Variants in PHACTR2 observed in about 807,000 individuals in gnomAD.
The protein encoded by PHACTR2 is phosphatase and actin regulator 2.
In PHACTR2, 30 loss-of-function variants were observed where a neutral mutation model predicts 76.0. The observed-to-expected ratio is 0.39, with a 90% confidence interval of 0.30 to 0.54. The LOEUF (loss-of-function observed/expected upper bound fraction) is 0.54. Among genes scored for constraint, PHACTR2 ranks in the 20% least tolerant of loss-of-function variants. The pLI is 0.61. For synonymous variants in PHACTR2, 292 were observed against 292.5 expected (o/e 1.00, Z 0.02); for missense variants, 696 against 781.1 (o/e 0.89, Z 1.30).
rs1454892363 is a variant in PHACTR2 at position 143,731,298 on chromosome 6, G to GT, written c.215-17681dup. Among the ~76,000 whole-genome samples the GT allele has an allele frequency of 6.6e-6, 1 of 151,260 alleles. No homozygotes were observed. The highest frequency in any genetic ancestry group is 1.5e-5 in the Non-Finnish European group (1 of 67,786). ...CCACTGTGTTGTTTTGTTTTGTTTTGTTTTTTGAGACGGAGTTTCGCTCTT... is the reference window on the plus strand; with the variant it reads ...CCACTGTGTTGTTTTGTTTTGTTTTGTTTTTTTGAGACGGAGTTTCGCTCTT... On this transcript the variant is annotated intron_variant, in intron 2 of 12. Coordinates refer to ENST00000440869, the MANE Select transcript of PHACTR2 (RefSeq NM_001100164.2). The surrounding 1 kb of genome is among the most constrained non-coding windows in gnomAD (Gnocchi z 4.9).
chr6:143,645,037 A>G (rs13190772), intron 1 of PHACTR2, among the ~76,000 whole-genome samples: 70,065 of 149,650 alleles, frequency 0.47, 16,379 homozygotes, highest in South Asian at 0.59. Flanking sequence ...GCATCTTCAT[A>G]AGTTAGTTCC....
rs762205968 is a variant in PHACTR2 at position 143,547,950 on chromosome 6, AATCT to A, written c.217+10752_217+10755del. Among the ~76,000 whole-genome samples, 22 of 152,198 alleles carry A rather than the reference AATCT, an allele frequency of 1.4e-4. No homozygotes were observed. Among genetic ancestry groups the A allele is most frequent in the Middle Eastern group, 3.4e-3 (1 of 294 alleles). ...ATCCATTCATCATCCATCATCTATT[AATCT>A]ATCTATCTTCATCATCATCATCATG... On this transcript the variant is annotated intron_variant, in intron 1 of 11. Transcript: ENST00000367584. The surrounding 1 kb of genome is among the most constrained non-coding windows in gnomAD (Gnocchi z 4.2).
At chr6:143,609,240 T>C (rs922137145) in intron 1 of PHACTR2, among the ~76,000 whole-genome samples, 13 of 152,228 alleles carry the variant, frequency 8.5e-5, no homozygotes, top group Non-Finnish European at 1.5e-4. Flanking sequence ...TATTTGTTTA[T>C]GAAATTGAGC....
intron 12 of PHACTR2, among the ~76,000 whole-genome samples, chr6:143,817,925 A>G (rs974017559): frequency 6.6e-6 from 1 of 152,324 alleles, no homozygotes; most frequent in East Asian, 1.9e-4. Context: ...CTAGTGTTCT[A>G]TAGCACTGTA....
In PHACTR2 at chr6:143,597,242, G is replaced by A. The variant is rs1040644289; in HGVS notation, c.217+60035G>A. The stretch of plus-strand genomic sequence containing the variant: ...CCAAGAAATGAAAGACATACCATTC[G>A]TGAGCTGCTTGCTGTCCCTCCCTTG... On this transcript the variant is annotated intron_variant, in intron 1 of 11. Transcript: ENST00000367584. The surrounding 1 kb of genome is among the most constrained non-coding windows in gnomAD (Gnocchi z 5.7). 2.6e-5 allele frequency among the ~76,000 whole-genome samples: 4 copies of A among 152,178 alleles called. No individual in the cohort carries two copies. The highest frequency in any genetic ancestry group is 7.2e-5 in the African/African-American group (3 of 41,442).
At chr6:143,555,939 A>T (rs1393116018) in intron 1 of PHACTR2, among the ~76,000 whole-genome samples, 4 of 148,366 alleles carry the variant, frequency 2.7e-5, no homozygotes, top group Admixed American at 6.7e-5. Context: ...TTTTTTTTTT[A>T]AAGACTGTTG....
In PHACTR2 at chr6:143,754,937, G is replaced by GA. The variant is rs1779267194; in HGVS notation, c.454+1031dup. Among the ~76,000 whole-genome samples, 2 of 152,074 alleles carry GA rather than the reference G, an allele frequency of 1.3e-5. No homozygotes were observed. Among genetic ancestry groups the GA allele is most frequent in the Admixed American group, 6.5e-5 (1 of 15,270 alleles). Reference sequence around the variant, plus strand: ...GACCCAGATCCTTGAGAGCGAAAGGGAAAAAAGATTATTTGATGGCCCTAT... The same window carrying GA: ...GACCCAGATCCTTGAGAGCGAAAGGGAAAAAAAGATTATTTGATGGCCCTAT... On this transcript the variant is annotated intron_variant, in intron 4 of 12. Coordinates refer to ENST00000440869, the MANE Select transcript of PHACTR2 (RefSeq NM_001100164.2). This position sits in a 1 kb window ranked among gnomAD's most constrained non-coding sequence, Gnocchi z 6.2.
chr6:143,772,134 T>G lies in PHACTR2; in HGVS notation c.1233-124T>G, dbSNP rs1260885757. On this transcript the variant is annotated intron_variant, in intron 6 of 12. Coordinates refer to ENST00000440869, the MANE Select transcript of PHACTR2 (RefSeq NM_001100164.2). The surrounding 1 kb of genome is among the most constrained non-coding windows in gnomAD (Gnocchi z 5.4). ...TTCAGTGACTTTAGCCTGGCCTATG[T>G]CAAGTGTCTGCTTTCCTCAGCCTGA... 5 of 692,572 alleles carry G rather than the reference T, an allele frequency of 7.2e-6. No individual in the cohort carries two copies. The highest frequency in any genetic ancestry group is 1.3e-5 in the Non-Finnish European group (5 of 383,480). 42.9% of individuals were successfully genotyped at this position (692,572 alleles called of 1,614,324 possible).
rs13192982 is a variant in PHACTR2, at chr6:143,627,457, C to T, written c.13+19135C>T. On this transcript the variant is annotated intron_variant, in intron 1 of 11. Coordinates refer to the PHACTR2 transcript ENST00000305766. The surrounding 1 kb of genome is among the most constrained non-coding windows in gnomAD (Gnocchi z 4.3). Reference sequence around the variant, plus strand: ...TTATGGGTAATATACTCAGCTACTACGTCAGGTAGCCTTGCGGAATTCAAG... The same window carrying T: ...TTATGGGTAATATACTCAGCTACTATGTCAGGTAGCCTTGCGGAATTCAAG... Among the ~76,000 whole-genome samples the T allele has an allele frequency of 0.076, 11,583 of 152,170 alleles. 520 individuals are homozygous for T. The highest frequency in any genetic ancestry group is 0.13 in the African/African-American group (5,229 of 41,494).
chr6:143,586,050 AT>A (rs1035756126), intron 1 of PHACTR2, among the ~76,000 whole-genome samples: 2 of 151,994 alleles, frequency 1.3e-5, no homozygotes, highest in Non-Finnish European at 2.9e-5. Flanking sequence ...TGTTATTGTT[AT>A]TTTTTTTCTG....
In PHACTR2 at chr6:143,678,626, C is replaced by A. The variant is rs1342784048; in HGVS notation, c.46+417C>A. ...GACTGAATGCTTTCAAGCTTGTCAA[C>A]TGATTTATGGTTTGTTATTCGGAGT... On this transcript the variant is annotated intron_variant, in intron 1 of 12. Transcript: ENST00000440869. The surrounding 1 kb of genome is among the most constrained non-coding windows in gnomAD (Gnocchi z 6.2). 6.6e-6 allele frequency among the ~76,000 whole-genome samples: 1 copy of A among 152,216 alleles called. No homozygotes were observed. The highest frequency in any genetic ancestry group is 2.4e-5 in the African/African-American group (1 of 41,464).
Position 143,697,561 on chromosome 6 carries a change from CTG to C in PHACTR2, c.47-14451_47-14450del, listed in dbSNP as rs1234017536. Among the ~76,000 whole-genome samples, 10 of 152,188 alleles carry C rather than the reference CTG, an allele frequency of 6.6e-5. No individual in the cohort carries two copies. Among genetic ancestry groups the C allele is most frequent in the African/African-American group, 2.4e-4 (10 of 41,442 alleles). On this transcript the variant is annotated intron_variant, in intron 1 of 12. Coordinates refer to ENST00000440869, the MANE Select transcript of PHACTR2 (RefSeq NM_001100164.2). The surrounding 1 kb of genome is among the most constrained non-coding windows in gnomAD (Gnocchi z 4.4). ...AATTAAGTGTTTGCTTACCTGAAAA[CTG>C]TGTCAGCAATGTCTGTACCATTCTT...
chr6:143,626,772 GA>G (rs1490934585), intron 1 of PHACTR2, among the ~76,000 whole-genome samples: 1 of 152,194 alleles, frequency 6.6e-6, no homozygotes, highest in Non-Finnish European at 1.5e-5. Flanking sequence ...CCAGGGGCAT[GA>G]TGTGAAGCGT....
In PHACTR2 at chr6:143,537,409, A is replaced by C. The variant is rs1428157084; in HGVS notation, c.217+202A>C. On this transcript the variant is annotated intron_variant, in intron 1 of 11. Coordinates refer to the PHACTR2 transcript ENST00000367584. This position sits in a 1 kb window ranked among gnomAD's most constrained non-coding sequence, Gnocchi z 4.4. Reference sequence around the variant, plus strand: ...GCCCGGGCTCGGCGACCCTAGGCGGAAGATGCTAAAAGCAGGCGACGGCTT... The same window carrying C: ...GCCCGGGCTCGGCGACCCTAGGCGGCAGATGCTAAAAGCAGGCGACGGCTT... Among the ~76,000 whole-genome samples, 1 of 152,036 alleles carries C rather than the reference A, an allele frequency of 6.6e-6. No homozygotes were observed. Among genetic ancestry groups the C allele is most frequent in the Non-Finnish European group, 1.5e-5 (1 of 67,974 alleles).
intron 1 of PHACTR2, among the ~76,000 whole-genome samples, chr6:143,707,442 A>C (rs1778079923): frequency 1.3e-5 from 2 of 152,250 alleles, no homozygotes; most frequent in African/African-American, 4.8e-5. Context: ...AGTTTGTACA[A>C]AATTAGTACC....
chr6:143,805,665 ACTCAGG>A (rs1776049026), intron 11 of PHACTR2, among the ~76,000 whole-genome samples: 1 of 152,120 alleles, frequency 6.6e-6, no homozygotes. Flanking sequence ...GTCACAGAGG[ACTCAGG>A]CTCACACATA....
In PHACTR2 at chr6:143,771,208, A is replaced by ATATATG. The variant is rs1554227205; in HGVS notation, c.1233-1045_1233-1044insGTATAT. Among the ~76,000 whole-genome samples, 108 of 80,420 alleles carry ATATATG rather than the reference A, an allele frequency of 1.3e-3. 1 individual carries two copies. The highest frequency in any genetic ancestry group is 6.9e-3 in the African/African-American group (101 of 14,592). The allele number at this position is 80,420 out of a possible 152,430, so 52.8% of individuals were successfully genotyped here. ...TATATATGTGTGTATATATATATAT[A>ATATATG]TATATATATATATATATATATATAT... is the stretch of plus-strand genomic sequence containing the variant. On this transcript the variant is annotated intron_variant, in intron 6 of 12. Coordinates refer to ENST00000440869, the MANE Select transcript of PHACTR2 (RefSeq NM_001100164.2).
At position 143,765,038 on chromosome 6, in the gene PHACTR2, C is replaced by G. The variant is rs1000781956; in HGVS notation, c.695-223C>G. On this transcript the variant is annotated intron_variant, in intron 5 of 12. Coordinates refer to ENST00000440869, the MANE Select transcript of PHACTR2 (RefSeq NM_001100164.2). The surrounding 1 kb of genome is among the most constrained non-coding windows in gnomAD (Gnocchi z 4.1). ...TGAGAGAAGACAGAGGACTCTTGTT[C>G]CTCTGAGTTTTGCCGTAAATATCAC... Among the ~76,000 whole-genome samples, 1 of 152,058 alleles carries G rather than the reference C, an allele frequency of 6.6e-6. No homozygotes were observed. The highest frequency in any genetic ancestry group is 2.4e-5 in the African/African-American group (1 of 41,392).
At chr6:143,701,781 G>A (rs1301051312) in intron 1 of PHACTR2, among the ~76,000 whole-genome samples, 1 of 152,166 alleles carries the variant, frequency 6.6e-6, no homozygotes, top group Non-Finnish European at 1.5e-5. Flanking sequence ...AGGCAGTATT[G>A]ATAAAGCACT....
Sources: allele counts gnomAD v4.1 joint callset (sites outside exome capture counted in the v4.1 genomes callset), GRCh38; gene constraint gnomAD v4.1.1; non-coding constraint Gnocchi (gnomAD v3.1); transcripts MANE v1.5; gene names NCBI Gene and HGNC (gene_info 2026-07-23, HGNC 2026-07-21).